The following PCDHA11 variants were observed in gnomAD, a reference collection of about 807,000 sequenced individuals.
PCDHA11 encodes the protein protocadherin alpha-11.
A neutral mutation model predicts 70.3 loss-of-function variants in PCDHA11; 61 were observed. The ratio of observed to expected loss-of-function variants is 0.87; its 90% CI spans 0.71 to 1.07. The LOEUF is 1.07. Ranked by LOEUF, PCDHA11 falls within the 50% of genes least tolerant of loss-of-function variation. The pLI is 0.00. For missense variants in PCDHA11, 1,324 were observed against 1,237.5 expected (o/e 1.07, Z -1.05); for synonymous variants, 633 against 555.1 (o/e 1.14, Z -1.97).
rs1460408085 is a variant in PCDHA11, at chr5:140,900,316, C to T, written c.2391+28822C>T. On this transcript the variant is annotated intron_variant, in intron 1 of 3. Coordinates refer to ENST00000398640, the MANE Select transcript of PCDHA11 (RefSeq NM_018902.5). ...TTTTTTTAGACAGTCTCACTTTTGT[C>T]GCCCAGGCTGGAGTACCGTGGCGCA... Among the ~76,000 whole-genome samples the T allele has an allele frequency of 1.2e-4, 18 of 152,172 alleles. No individual in the cohort carries two copies. The East Asian group carries it at 2.7e-3, about 23-fold the overall frequency.
At chr5:140,929,174 G>A (rs782544510) in intron 1 of PCDHA11, 2 of 1,614,140 alleles carry the variant, frequency 1.2e-6, no homozygotes, top group East Asian at 4.5e-5. Context: ...GCCTCTCTGG[G>A]ACTTGGTTCT....
At position 140,869,082 on chromosome 5, in the gene PCDHA11, T is replaced by C. The variant is rs1554162459; in HGVS notation, c.-22T>C. The C allele has an allele frequency of 6.3e-7, 1 of 1,582,446 alleles. No homozygotes were observed. The highest frequency in any genetic ancestry group is 2.2e-5 in the East Asian group (1 of 44,562). On this transcript the variant is annotated 5_prime_UTR_variant, in exon 1 of 4. Coordinates refer to ENST00000398640, the MANE Select transcript of PCDHA11 (RefSeq NM_018902.5). Reference sequence around the variant, plus strand: ...TACTGTAAGTGTAAAGAAGCTTATTTTGGAAGCCAATTTCGTATGCGATGT... The same window carrying C: ...TACTGTAAGTGTAAAGAAGCTTATTCTGGAAGCCAATTTCGTATGCGATGT...
chr5:140,991,445 A>G (rs1352709310), intron 3 of PCDHA11, among the ~76,000 whole-genome samples: 1 of 152,222 alleles, frequency 6.6e-6, no homozygotes, highest in African/African-American at 2.4e-5. Flanking sequence ...CATGGCTTAA[A>G]ACAACACAAT....
chr5:140,967,282 G>T, intron 1 of PCDHA11: 1 of 1,613,078 alleles, frequency 6.2e-7, no homozygotes. Flanking sequence ...TAGAGAGTGC[G>T]CAGGACCCCG....
chr5:140,987,563 T>C (rs2097259374), intron 3 of PCDHA11, among the ~76,000 whole-genome samples: 1 of 152,226 alleles, frequency 6.6e-6, no homozygotes, highest in Non-Finnish European at 1.5e-5. Context: ...ATTCTCAGTT[T>C]CTTTCTCTAT....
intron 1 of PCDHA11, among the ~76,000 whole-genome samples, chr5:140,890,607 T>A (rs2062708566): frequency 6.6e-6 from 1 of 152,184 alleles, no homozygotes; most frequent in Non-Finnish European, 1.5e-5. Context: ...GAATAGCTAG[T>A]GCTTACCCTA....
intron 1 of PCDHA11, among the ~76,000 whole-genome samples, chr5:140,923,225 AGCCCAGAAG>A (rs2081250184): frequency 4.2e-5 from 3 of 71,942 alleles, no homozygotes; most frequent in Admixed American, 3.0e-4. Flanking sequence ...GGATCGTTTG[AGCCCAGAAG>A]TTTGAGACCA....
intron 1 of PCDHA11, among the ~76,000 whole-genome samples, chr5:140,924,841 G>C (rs891279703): frequency 1.1e-4 from 17 of 151,378 alleles, no homozygotes; most frequent in South Asian, 2.1e-4. Context: ...GTTGCAGGGA[G>C]CTCAGATCGT....
intron 1 of PCDHA11, among the ~76,000 whole-genome samples, chr5:140,893,362 C>T (rs782554595): frequency 6.6e-5 from 10 of 152,110 alleles, no homozygotes; most frequent in African/African-American, 9.7e-5. Flanking sequence ...TACATGCCCA[C>T]CAACAGCATT....
chr5:140,937,229 G>A (rs2091424119), intron 1 of PCDHA11, among the ~76,000 whole-genome samples: 1 of 151,784 alleles, frequency 6.6e-6, no homozygotes, highest in Non-Finnish European at 1.5e-5. Flanking sequence ...TGTAGAGACG[G>A]GGTTTCACCG....
At chr5:140,993,616 C>A (rs1554253872) in intron 3 of PCDHA11, among the ~76,000 whole-genome samples, 2 of 151,688 alleles carry the variant, frequency 1.3e-5, no homozygotes, top group Admixed American at 6.6e-5. Context: ...TTGTTGGGAC[C>A]CTCTATATAT....
intron 1 of PCDHA11, among the ~76,000 whole-genome samples, chr5:140,897,014 A>G (rs545411496): frequency 1.3e-3 from 202 of 152,284 alleles, no homozygotes; most frequent in Non-Finnish European, 2.0e-3. Context: ...TAAATATACA[A>G]CTAAATTATT....
At chr5:140,990,962 T>C (rs2097423975) in intron 3 of PCDHA11, among the ~76,000 whole-genome samples, 2 of 152,180 alleles carry the variant, frequency 1.3e-5, no homozygotes, top group Non-Finnish European at 2.9e-5. Context: ...AATAGTCTCT[T>C]AGAACAAGAG....
intron 2 of PCDHA11, chr5:140,982,242 AAAG>A (rs2096973421): frequency 2.9e-6 from 2 of 701,584 alleles, no homozygotes; most frequent in African/African-American, 3.6e-5. Flanking sequence ...GAATTGCCAT[AAAG>A]ATAGAACATG....
chr5:140,876,967 G>A (rs200960356), intron 1 of PCDHA11: 7 of 1,612,934 alleles, frequency 4.3e-6, no homozygotes, highest in African/African-American at 2.7e-5. Context: ...GGAGCGGCGG[G>A]TGGGCGAGCA....
At chr5:140,964,425 A>C (rs1440321322) in intron 1 of PCDHA11, among the ~76,000 whole-genome samples, 1 of 152,178 alleles carries the variant, frequency 6.6e-6, no homozygotes, top group East Asian at 1.9e-4. Context: ...TCCATTAAAA[A>C]ATTACCAAGC....
intron 1 of PCDHA11, among the ~76,000 whole-genome samples, chr5:140,961,550 CT>C (rs571779587): frequency 6.6e-6 from 1 of 152,032 alleles, no homozygotes; most frequent in Admixed American, 6.6e-5. Context: ...TGCAGCATTT[CT>C]TTTTTTAAAT....
Position 140,869,246 on chromosome 5 carries a change from T to C in PCDHA11, c.143T>C (p.Ile48Thr), listed in dbSNP as rs782232383. The change falls in exon 1 of 4, where the codon ATC becomes ACC. Residue 48 changes from isoleucine to threonine, a missense_variant. Transcript: ENST00000398640. ...EAKHGTFVGR[I>T]AQDLGLELAE... ...AAACACGGCACCTTCGTGGGCCGCA[T>C]CGCGCAGGACCTGGGGCTGGAGCTG... 2 of 1,613,640 alleles carry C rather than the reference T, an allele frequency of 1.2e-6. No individual in the cohort carries two copies.
At chr5:140,874,625 T>C (rs1342932675) in intron 1 of PCDHA11, among the ~76,000 whole-genome samples, 3 of 152,238 alleles carry the variant, frequency 2.0e-5, no homozygotes, top group Admixed American at 6.5e-5. Flanking sequence ...ACATTTTACA[T>C]TAAAGTGCTT....
Sources: allele counts gnomAD v4.1 joint callset (sites outside exome capture counted in the v4.1 genomes callset), GRCh38; gene constraint gnomAD v4.1.1; transcripts MANE v1.5; gene names NCBI Gene and HGNC (gene_info 2026-07-23, HGNC 2026-07-21).